Variants in SFTPD observed in about 807,000 individuals in gnomAD.
SFTPD encodes pulmonary surfactant-associated protein D.
In SFTPD, 18 loss-of-function variants were observed where a neutral mutation model predicts 34.6. That is an observed-to-expected ratio of 0.52 (90% CI 0.36 to 0.77). SFTPD has a LOEUF of 0.77. Ranked by LOEUF, SFTPD falls within the 30% of genes least tolerant of loss-of-function variation. The probability of loss-of-function intolerance (pLI) is 0.00; values close to 1 mark genes in which losing one functional copy is unlikely to be tolerated. For missense variants in SFTPD, 433 were observed against 468.9 expected (o/e 0.92, Z 0.71); for synonymous variants, 155 against 180.9 (o/e 0.86, Z 1.15).
At chr10:79,981,627 G>T (rs1183883183) in intron 1 of SFTPD, among the ~76,000 whole-genome samples, 1 of 152,102 alleles carries the variant, frequency 6.6e-6, no homozygotes, top group Non-Finnish European at 1.5e-5. Flanking sequence ...CTCCCCTGGC[G>T]CACCGCCCGT....
At chr10:79,948,142 C>T (rs1842684639) in intron 1 of SFTPD, among the ~76,000 whole-genome samples, 1 of 152,196 alleles carries the variant, frequency 6.6e-6, no homozygotes, top group South Asian at 2.1e-4. Flanking sequence ...TCTAGAAACA[C>T]CTGGGTGAGC....
chr10:79,937,941 C>T lies in SFTPD; in HGVS notation c.1039G>A (p.Gly347Arg), dbSNP rs200817673. 146 of 1,612,156 alleles carry T rather than the reference C, an allele frequency of 9.1e-5. No individual in the cohort carries two copies. Among genetic ancestry groups the T allele is most frequent in the Non-Finnish European group, 1.1e-4 (133 of 1,178,864 alleles). ...AAGATCTCCACACAGTCCTCTGACC[C>T]GCCATCATCGTTGGGCTCCCCTGGG... ...WAPGEPNDDG[G>R]SEDCVEIFTN... Residue 347 changes from glycine to arginine, a missense_variant, in exon 8 of 8, where the codon GGG (glycine) becomes AGG (arginine). Coordinates refer to ENST00000372292, the MANE Select transcript of SFTPD (RefSeq NM_003019.5).
chr10:79,940,323 G>A (rs993512154), intron 7 of SFTPD, among the ~76,000 whole-genome samples: 2 of 152,238 alleles, frequency 1.3e-5, no homozygotes, highest in Non-Finnish European at 2.9e-5. Context: ...CTGGACTCAG[G>A]ACAACAATTT....
intron 2 of SFTPD, among the ~76,000 whole-genome samples, chr10:79,945,381 A>T (rs897927105): frequency 6.6e-6 from 1 of 151,960 alleles, no homozygotes; most frequent in African/African-American, 2.4e-5. Flanking sequence ...TCTGTAAGGG[A>T]TAGGCAGATG....
chr10:79,965,753 C>T (rs1842800776), intron 1 of SFTPD, among the ~76,000 whole-genome samples: 1 of 65,778 alleles, frequency 1.5e-5, no homozygotes, highest in Non-Finnish European at 2.7e-5. Context: ...CCACCACAGT[C>T]CCCAGAGTGT....
chr10:79,946,066 T>C (rs201225275), intron 2 of SFTPD, among the ~76,000 whole-genome samples: 25 of 151,754 alleles, frequency 1.6e-4, no homozygotes, highest in Non-Finnish European at 3.1e-4. Context: ...CCCATTTTTT[T>C]CCCACCCTTC....
intron 1 of SFTPD, among the ~76,000 whole-genome samples, chr10:79,959,564 C>A (rs938706167): frequency 2.4e-4 from 37 of 152,268 alleles, no homozygotes; most frequent in Non-Finnish European, 2.8e-4. Context: ...ATAAATTCCT[C>A]AACACATACA....
At chr10:79,941,060 G>T (rs1842606104) in intron 6 of SFTPD, among the ~76,000 whole-genome samples, 1 of 151,842 alleles carries the variant, frequency 6.6e-6, no homozygotes, top group African/African-American at 2.4e-5. Flanking sequence ...TCCATTGGGT[G>T]GGTGGGGGGG....
upstream of SFTPD, among the ~76,000 whole-genome samples, chr10:79,953,229 T>C (rs1275438441): frequency 6.6e-6 from 1 of 152,258 alleles, no homozygotes; most frequent in African/African-American, 2.4e-5. Flanking sequence ...GTGAAACTTA[T>C]ACTTTTGTGT....
At chr10:79,954,175 A>G (rs1842726660) in intron 1 of SFTPD, among the ~76,000 whole-genome samples, 1 of 147,384 alleles carries the variant, frequency 6.8e-6, no homozygotes, top group African/African-American at 2.5e-5. Flanking sequence ...GGTTTGGTTC[A>G]TTTCTTTTGG....
In SFTPD at chr10:79,946,457, C is replaced by A. The variant is rs1478528040; in HGVS notation, c.199+4G>T. On this transcript the variant is annotated splice_donor_region_variant and intron_variant, in intron 2 of 7. Transcript: ENST00000372292. ...AGCAGGATAAGCCCAGGGCCCCACCCTACCTGGGTCCCCCTTCTCGCCCCG... is the reference window on the plus strand; with the variant it reads ...AGCAGGATAAGCCCAGGGCCCCACCATACCTGGGTCCCCCTTCTCGCCCCG... The A allele has an allele frequency of 6.2e-7, 1 of 1,610,948 alleles. No individual in the cohort carries two copies. Among genetic ancestry groups the A allele is most frequent in the South Asian group, 1.1e-5 (1 of 91,016 alleles).
At chr10:79,940,164 C>T (rs1842596602) in intron 7 of SFTPD, among the ~76,000 whole-genome samples, 1 of 152,226 alleles carries the variant, frequency 6.6e-6, no homozygotes, top group Non-Finnish European at 1.5e-5. Flanking sequence ...TATCTGGTTT[C>T]TGGGCTGCCT....
At chr10:79,963,433 CA>C (rs1231610703) in intron 1 of SFTPD, among the ~76,000 whole-genome samples, 1 of 151,676 alleles carries the variant, frequency 6.6e-6, no homozygotes, top group Non-Finnish European at 1.5e-5. Flanking sequence ...CAGAGGCTTT[CA>C]AAAACCTAGT....
intron 7 of SFTPD, among the ~76,000 whole-genome samples, chr10:79,939,482 G>A (rs2245121): frequency 0.48 from 73,110 of 152,140 alleles, 18,426 homozygotes; most frequent in East Asian, 0.76. Context: ...CCAAAGGTAC[G>A]TGGGAGTATG....
chr10:79,942,295 C>T, intron 4 of SFTPD, 93 bp downstream of exon 4: 5 of 885,996 alleles, frequency 5.6e-6, no homozygotes, highest in South Asian at 1.5e-5. Flanking sequence ...GGTCTGGGCT[C>T]TCCCTGGCAC....
At chr10:79,970,105 T>A (rs1251369591) in intron 1 of SFTPD, 2 of 152,238 alleles carry the variant, frequency 1.3e-5, no homozygotes, top group Non-Finnish European at 2.9e-5. Context: ...GACCTCCAGT[T>A]TTCCCAACAT....
chr10:79,941,440 T>C lies in SFTPD; in HGVS notation c.625A>G (p.Ile209Val). 2 of 1,614,076 alleles carry C rather than the reference T, an allele frequency of 1.2e-6. No homozygotes were observed. The highest frequency in any genetic ancestry group is 1.7e-6 in the Non-Finnish European group (2 of 1,179,944). Residue 209 changes from isoleucine (I) to valine (V), a missense_variant, in exon 6 of 8, where the codon ATT (isoleucine) becomes GTT (valine). By Grantham distance (29) the Ile-to-Val change is conservative. Coordinates refer to ENST00000372292, the MANE Select transcript of SFTPD (RefSeq NM_003019.5). ...GPPGLKGDKGIPGDKGAKGES... is the reference protein window; with the variant it reads ...GPPGLKGDKGVPGDKGAKGES... ...CCCTTTGCTCCTTTGTCTCCAGGAA[T>C]GCCTTTGTCCCCCTTCAATCCCGGG...
At chr10:79,969,981 C>G (rs895101406) in intron 1 of SFTPD, 2 of 152,102 alleles carry the variant, frequency 1.3e-5, no homozygotes, top group Admixed American at 1.3e-4. Flanking sequence ...TGGACTGTTC[C>G]CCGTGTTTTC....
intron 1 of SFTPD, among the ~76,000 whole-genome samples, chr10:79,959,199 TC>T (rs1309469394): frequency 6.8e-6 from 1 of 146,196 alleles, no homozygotes; most frequent in African/African-American, 2.7e-5. Context: ...GCAGGAAAGA[TC>T]CAAAATTGAC....
Sources: allele counts gnomAD v4.1 joint callset (sites outside exome capture counted in the v4.1 genomes callset), GRCh38; gene constraint gnomAD v4.1.1; transcripts MANE v1.5; gene names NCBI Gene and HGNC (gene_info 2026-07-23, HGNC 2026-07-21).